TSHZ3: variants seen among roughly 807,000 people sequenced by gnomAD.
The protein encoded by TSHZ3 is teashirt zinc finger homeobox 3.
Under a neutral mutation model 64.5 loss-of-function variants are expected in TSHZ3, and 10 were observed. That is an observed-to-expected ratio of 0.16 (90% CI 0.10 to 0.26). The LOEUF (loss-of-function observed/expected upper bound fraction) is 0.26, where lower values mean the gene tolerates loss of function less well. Ranked by LOEUF, TSHZ3 falls within the 10% of genes least tolerant of loss-of-function variation. The probability of loss-of-function intolerance (pLI) is 1.00; values close to 1 mark genes in which losing one functional copy is unlikely to be tolerated. For synonymous variants in TSHZ3, 608 were observed against 593.1 expected, an observed-to-expected ratio of 1.03 and a Z score of -0.36; for missense variants, 1,242 against 1,421.7, an observed-to-expected ratio of 0.87 and a Z score of 2.03.
chr19:31,333,106 C>CAATAAATA (rs10585080), intron 1 of TSHZ3, among the ~76,000 whole-genome samples: 3,349 of 137,872 alleles, frequency 0.024, 41 homozygotes, highest in Middle Eastern at 0.038. Flanking sequence ...TCCTGTCTCA[C>CAATAAATA]AATAAATAAA....
intron 4 of TSHZ3, among the ~76,000 whole-genome samples, chr19:31,223,642 T>A (rs904682281): frequency 6.6e-6 from 1 of 152,174 alleles, no homozygotes; most frequent in Non-Finnish European, 1.5e-5. Flanking sequence ...CTCTTTATTG[T>A]CAAACAAAGT....
rs189319774 is a variant in TSHZ3, at chr19:31,215,192, T to C, written n.687-10114A>G. ...ACTACCCTGTACTCATATTTTTCTT[T>C]AATATGAGTCAGGTCTTTACTTAAA... On this transcript the variant is annotated intron_variant and non_coding_transcript_variant, in intron 4 of 6. Transcript: ENST00000651361. 6.1e-3 allele frequency among the ~76,000 whole-genome samples: 926 copies of C among 152,270 alleles called. 9 individuals are homozygous for C. Among genetic ancestry groups the C allele is most frequent in the African/African-American group, 0.022 (896 of 41,548 alleles).
At chr19:31,233,621 G>A (rs866754932) in intron 3 of TSHZ3, among the ~76,000 whole-genome samples, 2 of 152,064 alleles carry the variant, frequency 1.3e-5, no homozygotes, top group Non-Finnish European at 2.9e-5. Flanking sequence ...TTCTTCTTTA[G>A]TTAGTGCTTT....
chr19:31,241,353 A>G (rs1389226261), intron 3 of TSHZ3, among the ~76,000 whole-genome samples: 2 of 152,224 alleles, frequency 1.3e-5, no homozygotes, highest in Non-Finnish European at 2.9e-5. Flanking sequence ...TACCTTAGAC[A>G]CAATTTTCTG....
intron 5 of TSHZ3, among the ~76,000 whole-genome samples, chr19:31,203,102 A>T (rs1236027181): frequency 1.3e-5 from 2 of 151,868 alleles, no homozygotes; most frequent in Non-Finnish European, 2.9e-5. Context: ...TGTTTGGAGG[A>T]GGGTGCCATA....
At chr19:31,263,691 G>A (rs572157123) in intron 1 of TSHZ3, among the ~76,000 whole-genome samples, 32 of 152,136 alleles carry the variant, frequency 2.1e-4, no homozygotes, top group African/African-American at 7.0e-4. Context: ...GATCCTGTGG[G>A]TCCCCCCCAC....
chr19:31,334,711 G>T (rs776380426), intron 1 of TSHZ3, among the ~76,000 whole-genome samples: 5 of 152,118 alleles, frequency 3.3e-5, no homozygotes, highest in Non-Finnish European at 7.4e-5. Flanking sequence ...TTGATGCGGG[G>T]GTCAGTGGAG....
At chr19:31,333,947 C>T (rs1196519733) in intron 1 of TSHZ3, among the ~76,000 whole-genome samples, 2 of 152,208 alleles carry the variant, frequency 1.3e-5, no homozygotes, top group African/African-American at 4.8e-5. Context: ...TCACAAGGAG[C>T]GTGTACGTGT....
rs188384512 is a variant in TSHZ3 at position 31,221,839 on chromosome 19, T to C, written n.686+6166A>G. ...CACCTTACTTTCAATAATAGCATCC[T>C]AATGTGCTTCTGAAAGGTGAAAGGT... On this transcript the variant is annotated intron_variant and non_coding_transcript_variant, in intron 4 of 6. Transcript: ENST00000651361. Among the ~76,000 whole-genome samples the C allele has an allele frequency of 2.0e-3, 305 of 152,326 alleles. 1 individual carries two copies. Among genetic ancestry groups the C allele is most frequent in the Non-Finnish European group, 3.8e-3 (257 of 68,030 alleles).
chr19:31,184,422 G>A (rs930789032), intron 5 of TSHZ3, among the ~76,000 whole-genome samples: 12 of 151,654 alleles, frequency 7.9e-5, no homozygotes, highest in African/African-American at 2.7e-4. Flanking sequence ...ATGGAGAGAG[G>A]CATTTCTTTG....
At chr19:31,160,110 G>T (rs1974355797) in intron 5 of TSHZ3, among the ~76,000 whole-genome samples, 1 of 152,122 alleles carries the variant, frequency 6.6e-6, no homozygotes, top group Non-Finnish European at 1.5e-5. Flanking sequence ...ATATCAGTTG[G>T]TTTCATCTTT....
Position 31,278,884 on chromosome 19 carries a change from C to A in TSHZ3, c.909G>T (p.Val303=). 1 of 1,614,042 alleles carries A rather than the reference C, an allele frequency of 6.2e-7. No homozygotes were observed. Among genetic ancestry groups the A allele is most frequent in the Non-Finnish European group, 8.5e-7 (1 of 1,180,028 alleles). ...CAGGAGTGACGGGTTCCTTCAGAGG[C>A]ACTTTTTGGTAGTGTTTTGTTTTGA... is the stretch of plus-strand genomic sequence containing the variant. ...HMIKTKHYQK[V]PLKEPVTPVA... Residue 303 remains valine (V), a synonymous_variant, in exon 2 of 2, where the codon GTG becomes GTT. Coordinates refer to ENST00000240587, the MANE Select transcript of TSHZ3 (RefSeq NM_020856.4). The surrounding 1 kb of genome is among the most constrained non-coding windows in gnomAD (Gnocchi z 4.7).
chr19:31,267,710 C>G (rs545094484), intron 1 of TSHZ3, among the ~76,000 whole-genome samples: 2 of 152,160 alleles, frequency 1.3e-5, no homozygotes, highest in East Asian at 3.9e-4. Context: ...GGGAGTCACA[C>G]AGGGGTGAGG....
At chr19:31,226,943 C>T (rs1437656053) in intron 4 of TSHZ3, among the ~76,000 whole-genome samples, 6 of 125,216 alleles carry the variant, frequency 4.8e-5, no homozygotes, top group Non-Finnish European at 1.7e-5. Flanking sequence ...GATACTTTTT[C>T]TTTTTTCTTT....
intron 1 of TSHZ3, among the ~76,000 whole-genome samples, chr19:31,337,892 C>G (rs925762450): frequency 6.6e-6 from 1 of 152,172 alleles, no homozygotes; most frequent in Non-Finnish European, 1.5e-5. Context: ...TTCACAAATT[C>G]TAGATTCTCA....
chr19:31,290,115 A>G (rs57943180), intron 1 of TSHZ3, among the ~76,000 whole-genome samples: 66,290 of 151,956 alleles, frequency 0.44, 16,088 homozygotes, highest in African/African-American at 0.65. Flanking sequence ...CACCCGATTT[A>G]GGGCCTAGAG....
intron 3 of TSHZ3, among the ~76,000 whole-genome samples, chr19:31,239,562 A>AT (rs888084466): frequency 4.3e-4 from 65 of 151,530 alleles, no homozygotes; most frequent in Non-Finnish European, 5.7e-4. Context: ...AATTGACAGG[A>AT]TTTTTTTTTC....
At chr19:31,185,069 A>C (rs555564853) in intron 5 of TSHZ3, among the ~76,000 whole-genome samples, 1 of 149,908 alleles carries the variant, frequency 6.7e-6, no homozygotes, top group Non-Finnish European at 1.5e-5. Context: ...GAAGGTAAAA[A>C]TTTTATGTTA....
rs921015298 is a variant in TSHZ3, at chr19:31,275,330, A to G, written c.*1217T>C. 6.6e-6 allele frequency: 1 copy of G among 152,648 alleles called. No individual in the cohort carries two copies. Among genetic ancestry groups the G allele is most frequent in the Non-Finnish European group, 1.5e-5 (1 of 68,044 alleles). The allele number at this position is 152,648 out of a possible 1,614,324, so 9.5% of individuals were successfully genotyped here. The stretch of plus-strand genomic sequence containing the variant: ...CCAAGAGGGCTTATAAATAAGTGAA[A>G]GAGGTTGGATCACAGAATGCCTCAT... On this transcript the variant is annotated 3_prime_UTR_variant, in exon 2 of 2. Coordinates refer to ENST00000240587, the MANE Select transcript of TSHZ3 (RefSeq NM_020856.4).
Sources: gnomAD v4.1 joint callset for allele counts (sites outside exome capture counted in the v4.1 genomes callset) on GRCh38, gnomAD v4.1.1 for gene constraint, Gnocchi (gnomAD v3.1) non-coding constraint, MANE v1.5 for transcripts, NCBI Gene and HGNC (gene_info 2026-07-23, HGNC 2026-07-21) for gene names.